CSMD2: variants seen among roughly 807,000 people sequenced by gnomAD.
The protein encoded by CSMD2 is CUB and Sushi multiple domains 2, also known as CUB and sushi domain-containing protein 2.
Under a neutral mutation model 398.5 loss-of-function variants are expected in CSMD2, and 130 were observed. The observed-to-expected ratio is 0.33, with a 90% CI of 0.28 to 0.38. The LOEUF is 0.38. Ranked by LOEUF, CSMD2 falls within the 10% of genes least tolerant of loss-of-function variation. The pLI is 1.00. For synonymous variants in CSMD2, 1,828 were observed against 1,908.5 expected, an observed-to-expected ratio of 0.96 and a Z score of 1.10; for missense variants, 3,829 against 4,764.9, an observed-to-expected ratio of 0.80 and a Z score of 5.78.
At chr1:34,014,968 T>C (rs2148083368) in intron 3 of CSMD2, among the ~76,000 whole-genome samples, 1 of 152,310 alleles carries the variant, frequency 6.6e-6, no homozygotes, top group South Asian at 2.1e-4. Context: ...CAGCTGGGTG[T>C]GCAGCACAGG....
intron 1 of CSMD2, among the ~76,000 whole-genome samples, chr1:34,127,390 T>C (rs1440345600): frequency 6.6e-6 from 1 of 150,712 alleles, no homozygotes; most frequent in Non-Finnish European, 1.5e-5. Context: ...AATGGGAGGG[T>C]AGAGGGGAGA....
At chr1:34,091,710 A>T (rs1658584353) in intron 1 of CSMD2, among the ~76,000 whole-genome samples, 2 of 152,236 alleles carry the variant, frequency 1.3e-5, no homozygotes, top group Admixed American at 6.5e-5. Flanking sequence ...AAAATTAGGC[A>T]TGTAACCCTG....
intron 41 of CSMD2, among the ~76,000 whole-genome samples, 159 bp downstream of exon 41, chr1:33,610,882 G>C (rs1640951430): frequency 6.6e-6 from 1 of 152,154 alleles, no homozygotes; most frequent in Admixed American, 6.5e-5. Flanking sequence ...GGTCCGGAGA[G>C]ATCTGCCACC....
intron 12 of CSMD2, among the ~76,000 whole-genome samples, chr1:33,785,186 CA>C (rs1307758082): frequency 6.6e-5 from 10 of 152,192 alleles, no homozygotes; most frequent in African/African-American, 2.2e-4. Flanking sequence ...CAGCACCCAG[CA>C]AAATGTTGGT....
At chr1:33,591,657 C>CT (rs1428981078) in intron 44 of CSMD2, 2 of 152,110 alleles carry the variant, frequency 1.3e-5, no homozygotes, top group Non-Finnish European at 2.9e-5. Flanking sequence ...GGTTCTCATT[C>CT]TGTCACCCAG....
At chr1:34,088,785 A>C (rs1270886830) in intron 2 of CSMD2, among the ~76,000 whole-genome samples, 192 bp downstream of exon 2, 1 of 152,206 alleles carries the variant, frequency 6.6e-6, no homozygotes, top group African/African-American at 2.4e-5. Context: ...TGTCCTACTC[A>C]TCAATCCTCC....
At chr1:33,916,660 C>T (rs75968662) in intron 5 of CSMD2, among the ~76,000 whole-genome samples, 2,554 of 152,242 alleles carry the variant, frequency 0.017, 79 homozygotes, top group African/African-American at 0.058. Flanking sequence ...ACTCCCATGT[C>T]GGCTCACCTT....
At chr1:33,599,764 T>C (rs1435831398) in intron 44 of CSMD2, 1 of 176,384 alleles carries the variant, frequency 5.7e-6, no homozygotes, top group Non-Finnish European at 1.2e-5. Context: ...GCACTCACCC[T>C]GGACGATAGC....
chr1:33,609,959 T>C (rs1640885766), intron 41 of CSMD2, among the ~76,000 whole-genome samples: 2 of 152,202 alleles, frequency 1.3e-5, no homozygotes, highest in Admixed American at 1.3e-4. Flanking sequence ...CCCTCCTAAA[T>C]GGGATTAGTT....
At chr1:34,016,011 CTCTG>C (rs1032641151) in intron 3 of CSMD2, among the ~76,000 whole-genome samples, 3 of 108,740 alleles carry the variant, frequency 2.8e-5, no homozygotes, top group South Asian at 7.2e-4. Flanking sequence ...GGACTCCTTG[CTCTG>C]TGTGTGTGTG....
At position 33,519,732 on chromosome 1, in the gene CSMD2, TA is replaced by T. The variant is rs1258486933; in HGVS notation, c.10737-56del. ...ATGAAAAGAGCGACACAGAGAGGCT[TA>T]GGGGTCTGGTGCGGGGGGCCCTGGA... On this transcript the variant is annotated intron_variant, in intron 69 of 70. Transcript: ENST00000373381. The surrounding 1 kb of genome is among the most constrained non-coding windows in gnomAD (Gnocchi z 5.6). 3.7e-6 allele frequency: 6 copies of T among 1,612,418 alleles called. No homozygotes were observed. In the African/African-American group the frequency reaches 8.0e-5, roughly 22 times the overall value.
chr1:33,981,052 C>A (rs753017448), intron 3 of CSMD2, among the ~76,000 whole-genome samples: 6 of 152,126 alleles, frequency 3.9e-5, no homozygotes, highest in Non-Finnish European at 5.9e-5. Flanking sequence ...GTGAGAGATA[C>A]CCCTGGGGTC....
chr1:33,541,708 G>C (rs1414882250), intron 58 of CSMD2, among the ~76,000 whole-genome samples: 1 of 152,192 alleles, frequency 6.6e-6, no homozygotes, highest in Non-Finnish European at 1.5e-5. Context: ...ATGCACCGCT[G>C]CAACTTGGGC....
At chr1:33,800,814 G>C (rs184844160) in intron 10 of CSMD2, among the ~76,000 whole-genome samples, 124 of 152,292 alleles carry the variant, frequency 8.1e-4, no homozygotes, top group African/African-American at 2.9e-3. Flanking sequence ...AGCTGTAAAA[G>C]GGAAAGGAAT....
intron 3 of CSMD2, among the ~76,000 whole-genome samples, chr1:34,013,272 C>T (rs1480655356): frequency 1.3e-5 from 2 of 152,228 alleles, no homozygotes; most frequent in Non-Finnish European, 2.9e-5. Flanking sequence ...AGATGAGCTT[C>T]TGTGCTCTGT....
rs1641937179 is a variant in CSMD2, at chr1:33,624,006, C to T, written c.5625+513G>A. 1.3e-5 allele frequency among the ~76,000 whole-genome samples: 2 copies of T among 152,234 alleles called. No homozygotes were observed. On this transcript the variant is annotated intron_variant, in intron 35 of 70. Coordinates refer to ENST00000373381, the MANE Select transcript of CSMD2 (RefSeq NM_001281956.2). This position sits in a 1 kb window ranked among gnomAD's most constrained non-coding sequence, Gnocchi z 4.7. ...AGTTATGCCCCCAGTTCAGCTTCTA[C>T]AGCTCATGCTGTGCGTGGTTCCCTA...
chr1:34,026,699 G>A lies in CSMD2; in HGVS notation c.517+5895C>T, dbSNP rs61771389. Reference sequence around the variant, plus strand: ...ACCTGGCGATCAGTCTGGAATAATCGGAAACAATCTCATGCAACAGTTGGG... The same window carrying A: ...ACCTGGCGATCAGTCTGGAATAATCAGAAACAATCTCATGCAACAGTTGGG... On this transcript the variant is annotated intron_variant, in intron 3 of 70. Coordinates refer to ENST00000373381, the MANE Select transcript of CSMD2 (RefSeq NM_001281956.2). Among the ~76,000 whole-genome samples, 1,356 of 152,302 alleles carry A rather than the reference G, an allele frequency of 8.9e-3. 11 individuals are homozygous for A. Among genetic ancestry groups the A allele is most frequent in the South Asian group, 0.032 (152 of 4,824 alleles).
At chr1:33,736,347 G>A (rs1173613340) in intron 15 of CSMD2, among the ~76,000 whole-genome samples, 1 of 152,026 alleles carries the variant, frequency 6.6e-6, no homozygotes, top group Non-Finnish European at 1.5e-5. Flanking sequence ...TGGGTGTGGT[G>A]GTGGGCGCCT....
At chr1:33,576,766 T>C (rs1052877497) in intron 49 of CSMD2, among the ~76,000 whole-genome samples, 5 of 152,106 alleles carry the variant, frequency 3.3e-5, no homozygotes, top group African/African-American at 1.2e-4. Flanking sequence ...CTCAGGTTTA[T>C]TGTTCATTTT....
Sources: allele counts gnomAD v4.1 joint callset (sites outside exome capture counted in the v4.1 genomes callset), GRCh38; gene constraint gnomAD v4.1.1; non-coding constraint Gnocchi (gnomAD v3.1); transcripts MANE v1.5; gene names NCBI Gene and HGNC (gene_info 2026-07-23, HGNC 2026-07-21).